The following SMC6 variants were observed in gnomAD, a reference collection of about 807,000 sequenced individuals.
SMC6 encodes the protein structural maintenance of chromosomes 6.
A neutral mutation model predicts 142.2 loss-of-function variants in SMC6; 79 were observed. The ratio of observed to expected loss-of-function variants is 0.56; its 90% CI spans 0.46 to 0.67. The LOEUF is 0.67. Among genes scored for constraint, SMC6 ranks in the 30% least tolerant of loss-of-function variants. SMC6 has a pLI of 0.00. For missense variants in SMC6, 1,072 were observed against 1,284.0 expected (o/e 0.83, Z 2.52); for synonymous variants, 411 against 412.4 (o/e 1.00, Z 0.04).
At chr2:17,705,496 A>T (rs1429456681) in intron 18 of SMC6, among the ~76,000 whole-genome samples, 1 of 151,984 alleles carries the variant, frequency 6.6e-6, no homozygotes. Context: ...TGAACACCGG[A>T]GGCAGAGGCT....
At chr2:17,740,537 G>A (rs1432125025) in intron 4 of SMC6, among the ~76,000 whole-genome samples, 2 of 152,058 alleles carry the variant, frequency 1.3e-5, no homozygotes, top group African/African-American at 4.8e-5. Context: ...AAGAATTGTG[G>A]CCATGCCATT....
At chr2:17,712,866 C>T (rs187166003) in intron 16 of SMC6, among the ~76,000 whole-genome samples, 1 of 152,338 alleles carries the variant, frequency 6.6e-6, no homozygotes, top group African/African-American at 2.4e-5. Flanking sequence ...ATCCTGTCAA[C>T]ACCCAAAAGG....
intron 16 of SMC6, among the ~76,000 whole-genome samples, chr2:17,712,161 A>G (rs1034882643): frequency 3.3e-5 from 5 of 152,192 alleles, no homozygotes; most frequent in African/African-American, 1.2e-4. Flanking sequence ...GTAAATATCA[A>G]CCGGATTCGG....
chr2:17,741,374 G>C (rs1403211051), intron 4 of SMC6, among the ~76,000 whole-genome samples: 1 of 152,086 alleles, frequency 6.6e-6, no homozygotes, highest in East Asian at 1.9e-4. Context: ...AAGATAAATA[G>C]ATTAAAAACA....
intron 25 of SMC6, among the ~76,000 whole-genome samples, chr2:17,672,362 C>T (rs1666799777): frequency 6.6e-6 from 1 of 152,174 alleles, no homozygotes; most frequent in African/African-American, 2.4e-5. Context: ...GAAAGTCTAG[C>T]TTGAGTTGTT....
At chr2:17,699,536 T>C (rs1668170385) in intron 21 of SMC6, among the ~76,000 whole-genome samples, 1 of 152,136 alleles carries the variant, frequency 6.6e-6, no homozygotes, top group Admixed American at 6.6e-5. Flanking sequence ...ACTTTTTCAG[T>C]CATGCCCTCT....
chr2:17,683,186 T>C (rs956160486), intron 24 of SMC6, among the ~76,000 whole-genome samples: 2 of 152,218 alleles, frequency 1.3e-5, no homozygotes, highest in Non-Finnish European at 2.9e-5. Flanking sequence ...TATATTGGTA[T>C]GTATCAGGTA....
chr2:17,738,424 A>C, intron 4 of SMC6, 98 bp from the exon 5 acceptor site: 1 of 669,718 alleles, frequency 1.5e-6, no homozygotes, highest in Non-Finnish European at 2.3e-6. Context: ...AATGAGACTC[A>C]CTTTAAAATA....
Position 17,689,753 on chromosome 2 carries a change from C to T in SMC6, c.2678+5399G>A, listed in dbSNP as rs533385295. Among the ~76,000 whole-genome samples the T allele has an allele frequency of 2.6e-5, 4 of 152,310 alleles. No homozygotes were observed. In the South Asian group the frequency reaches 8.3e-4, roughly 32 times the overall value. ...TAACCTATATACATCTTCCTGTATACTTTAAATCATCTCTAGAGATTACTT... is the reference window on the plus strand; with the variant it reads ...TAACCTATATACATCTTCCTGTATATTTTAAATCATCTCTAGAGATTACTT... On this transcript the variant is annotated intron_variant, in intron 23 of 27. Transcript: ENST00000448223.
At chr2:17,733,650 T>C (rs1670012460) in intron 5 of SMC6, among the ~76,000 whole-genome samples, 1 of 152,196 alleles carries the variant, frequency 6.6e-6, no homozygotes, top group Admixed American at 6.5e-5. Flanking sequence ...CGAGAGATGG[T>C]GAATCCTGGG....
chr2:17,687,540 A>G (rs79656722), intron 23 of SMC6, among the ~76,000 whole-genome samples: 1 of 152,170 alleles, frequency 6.6e-6, no homozygotes, highest in Admixed American at 6.5e-5. Flanking sequence ...TAGAGGAACC[A>G]TGGAAAAAAG....
intron 8 of SMC6, among the ~76,000 whole-genome samples, chr2:17,725,732 C>T (rs1027947521): frequency 1.1e-4 from 16 of 152,112 alleles, no homozygotes; most frequent in African/African-American, 3.6e-4. Context: ...AAAACTCACT[C>T]AAAAGGCTAC....
intron 9 of SMC6, among the ~76,000 whole-genome samples, chr2:17,723,523 A>T (rs80098294): frequency 0.016 from 2,499 of 152,244 alleles, 34 homozygotes; most frequent in Non-Finnish European, 0.027. Flanking sequence ...TATCTCTTAG[A>T]ACATCCTTCC....
chr2:17,746,081 GTAAAT>G, intron 2 of SMC6, 130 bp from the exon 3 acceptor site: 1 of 944,900 alleles, frequency 1.1e-6, no homozygotes, highest in Non-Finnish European at 1.4e-6. Context: ...AAAAATTAAA[GTAAAT>G]TAGTCTTGCA....
intron 23 of SMC6, among the ~76,000 whole-genome samples, chr2:17,685,187 C>T (rs906986113): frequency 6.8e-5 from 10 of 147,496 alleles, no homozygotes; most frequent in Non-Finnish European, 1.3e-4. Context: ...AGATATTCAA[C>T]ATAACTAAAG....
Position 17,717,083 on chromosome 2 carries a change from C to T in SMC6, c.1181+5G>A, listed in dbSNP as rs562162514. 707 of 1,608,516 alleles carry T rather than the reference C, an allele frequency of 4.4e-4. 9 individuals carry two copies. In the South Asian group the frequency reaches 7.4e-3, roughly 17 times the overall value. On this transcript the variant is annotated splice_donor_5th_base_variant and intron_variant, in intron 13 of 27. Coordinates refer to ENST00000448223, the MANE Select transcript of SMC6 (RefSeq NM_001142286.2). The stretch of plus-strand genomic sequence containing the variant: ...GCCATGAAAATTTCAAAGTAACTAC[C>T]CTACCTTTTTTTCAGCTCTTCAATT...
chr2:17,735,384 A>G (rs943010289), intron 5 of SMC6, among the ~76,000 whole-genome samples: 3 of 152,238 alleles, frequency 2.0e-5, no homozygotes, highest in African/African-American at 7.2e-5. Context: ...AGTGCACATC[A>G]ATGAGAACAA....
chr2:17,671,050 T>C (rs1666735840), intron 25 of SMC6, among the ~76,000 whole-genome samples: 1 of 151,004 alleles, frequency 6.6e-6, no homozygotes, highest in African/African-American at 2.4e-5. Flanking sequence ...TTTTTTTTTT[T>C]CTGGGTGGAG....
At chr2:17,731,373 TTATC>T (rs1490625393) in intron 6 of SMC6, among the ~76,000 whole-genome samples, 3 of 152,240 alleles carry the variant, frequency 2.0e-5, no homozygotes, top group East Asian at 1.9e-4. Flanking sequence ...ATTTTGCTCC[TTATC>T]TATCTCTTTT....
Sources: allele counts gnomAD v4.1 joint callset (sites outside exome capture counted in the v4.1 genomes callset), GRCh38; gene constraint gnomAD v4.1.1; transcripts MANE v1.5; gene names NCBI Gene and HGNC (gene_info 2026-07-23, HGNC 2026-07-21).